Variants in TACC1 observed in about 807,000 individuals in gnomAD.
TACC1 encodes transforming acidic coiled-coil-containing protein 1.
In TACC1, 48 loss-of-function variants were observed where a neutral mutation model predicts 84.4. That is an observed-to-expected ratio of 0.57 (90% CI 0.45 to 0.72). TACC1 has a LOEUF of 0.72. TACC1 is among the 30% of genes least tolerant of loss of function. The probability of loss-of-function intolerance (pLI) is 0.00; values close to 1 mark genes in which losing one functional copy is unlikely to be tolerated. For missense variants in TACC1, 920 were observed against 973.0 expected, an observed-to-expected ratio of 0.95 and a Z score of 0.72; for synonymous variants, 372 against 376.3, an observed-to-expected ratio of 0.99 and a Z score of 0.13.
chr8:38,762,758 T>C (rs1442292284), intron 3 of TACC1, among the ~76,000 whole-genome samples: 1 of 152,148 alleles, frequency 6.6e-6, no homozygotes, highest in South Asian at 2.1e-4. Flanking sequence ...AGTTTTGCCA[T>C]GTTGGCCAGG....
intron 1 of TACC1, among the ~76,000 whole-genome samples, chr8:38,732,311 GT>G (rs202020942): frequency 1.4e-3 from 207 of 147,480 alleles, no homozygotes; most frequent in Non-Finnish European, 1.5e-3. Flanking sequence ...TTTTTTTCTT[GT>G]TTTTTTTTTC....
Position 38,819,711 on chromosome 8 carries a change from C to T in TACC1, c.467C>T (p.Thr156Met), listed in dbSNP as rs142390554. Residue 156 changes from threonine (T) to methionine (M), a missense_variant, in exon 3 of 13, where the codon ACG becomes ATG. This residue lies in a region of TACC1 where 762 missense variants were observed against 747.3 expected (regional missense o/e 1.02). Coordinates refer to ENST00000317827, the MANE Select transcript of TACC1 (RefSeq NM_006283.3). ...ATCGTGAGGCCATTTTCAATAGAAA[C>T]GAAGGATTCCACGGATATCTCGGCA... is the stretch of plus-strand genomic sequence containing the variant. The part of the protein sequence containing the change: ...ISIVRPFSIE[T>M]KDSTDISAVL... The T allele has an allele frequency of 9.9e-6, 16 of 1,613,986 alleles. No individual in the cohort carries two copies. Among genetic ancestry groups the T allele is most frequent in the African/African-American group, 6.7e-5 (5 of 74,914 alleles).
chr8:38,761,543 G>A (rs1351094388), intron 3 of TACC1, among the ~76,000 whole-genome samples: 1 of 152,246 alleles, frequency 6.6e-6, no homozygotes, highest in Non-Finnish European at 1.5e-5. Flanking sequence ...CTTTTAATGA[G>A]CACATCACTG....
upstream of TACC1, among the ~76,000 whole-genome samples, chr8:38,786,566 G>T (rs1817182134): frequency 6.6e-6 from 1 of 152,108 alleles, no homozygotes; most frequent in African/African-American, 2.4e-5. Context: ...TGGAGAATGG[G>T]AAACCCATCA....
At chr8:38,729,794 G>A (rs763490496) in intron 1 of TACC1, among the ~76,000 whole-genome samples, 22 of 152,190 alleles carry the variant, frequency 1.4e-4, no homozygotes, top group South Asian at 2.1e-4. Flanking sequence ...ACTTGAACCC[G>A]GGAGGTGGAG....
chr8:38,836,220 G>A lies in TACC1; in HGVS notation c.1772G>A (p.Ser591Asn). Reference sequence around the variant, plus strand: ...GTGTCGGTGTCCTGTGGAGGTGAGAGCCCCCTGGATGGGATCTGCCTCAGC... The same window carrying A: ...GTGTCGGTGTCCTGTGGAGGTGAGAACCCCCTGGATGGGATCTGCCTCAGC... ...APVSVSCGGE[S>N]PLDGICLSES... The change falls in exon 7 of 13, where the codon AGC becomes AAC. Residue 591 changes from serine (S) to asparagine (N), a missense_variant. Physicochemically the swap from Ser to Asn is conservative, Grantham distance 46. Around this residue, in one of 2 missense-constraint regions of TACC1, gnomAD observed 762 missense variants for 747.3 expected, o/e 1.02. Transcript: ENST00000317827. 1 of 1,613,252 alleles carries A rather than the reference G, an allele frequency of 6.2e-7. No homozygotes were observed. Among genetic ancestry groups the A allele is most frequent in the African/African-American group, 1.3e-5 (1 of 75,030 alleles).
At chr8:38,840,361 T>C in intron 9 of TACC1, 94 bp downstream of exon 9, 2 of 1,155,462 alleles carry the variant, frequency 1.7e-6, no homozygotes, top group Non-Finnish European at 2.5e-6. Context: ...GCTAGGTAGC[T>C]TATAAACAAC....
intron 2 of TACC1, among the ~76,000 whole-genome samples, chr8:38,812,397 G>A (rs923832818): frequency 2.6e-4 from 39 of 152,190 alleles, no homozygotes; most frequent in African/African-American, 8.7e-4. Flanking sequence ...CACCCCCGGC[G>A]GCGGCCCAGC....
In TACC1 at chr8:38,792,622, C is replaced by T. The variant is rs189797184; in HGVS notation, c.277+3803C>T. On this transcript the variant is annotated intron_variant, in intron 2 of 12. Coordinates refer to ENST00000317827, the MANE Select transcript of TACC1 (RefSeq NM_006283.3). Reference sequence around the variant, plus strand: ...CTAGGACCACAGGCGCCCACCACTACGCCCAGCTAATTTTTTGTATTTTTA... The same window carrying T: ...CTAGGACCACAGGCGCCCACCACTATGCCCAGCTAATTTTTTGTATTTTTA... Among the ~76,000 whole-genome samples, 58 of 152,286 alleles carry T rather than the reference C, an allele frequency of 3.8e-4. No homozygotes were observed. The East Asian group carries it at 9.3e-3, about 24-fold the overall frequency.
chr8:38,842,236 G>T (rs1225580149), intron 9 of TACC1, 51 bp from the exon 10 acceptor site: 17 of 1,581,602 alleles, frequency 1.1e-5, no homozygotes, highest in Non-Finnish European at 1.5e-5. Context: ...CTTCTAAGGA[G>T]TGTCTATTTT....
intron 1 of TACC1, among the ~76,000 whole-genome samples, chr8:38,729,072 A>G (rs1050084432): frequency 7.7e-6 from 1 of 130,010 alleles, no homozygotes; most frequent in African/African-American, 2.7e-5. Flanking sequence ...AAATACCTTC[A>G]TCTGGGAATA....
chr8:38,747,196 A>T (rs1401610199), intron 3 of TACC1, among the ~76,000 whole-genome samples: 2 of 152,268 alleles, frequency 1.3e-5, no homozygotes, highest in Non-Finnish European at 2.9e-5. Flanking sequence ...CAAAATGCTA[A>T]CAACACCAAA....
At chr8:38,766,042 A>G (rs1289175039) in intron 3 of TACC1, among the ~76,000 whole-genome samples, 1 of 152,194 alleles carries the variant, frequency 6.6e-6, no homozygotes, top group Non-Finnish European at 1.5e-5. Flanking sequence ...TATTTTTTGT[A>G]ATAATAGGAC....
In TACC1 at chr8:38,852,058, G is replaced by A; in HGVS notation, c.*4035G>A. 1 of 428,416 alleles carries A rather than the reference G, an allele frequency of 2.3e-6. No homozygotes were observed. The highest frequency in any genetic ancestry group is 4.7e-6 in the Non-Finnish European group (1 of 210,904). 26.5% of individuals were successfully genotyped at this position (428,416 alleles called of 1,614,324 possible). A position where few individuals can be genotyped will look rare whatever the true frequency, so the allele number is the denominator to read the frequency against. ...TCCTCTCAAAGGATCTCCTCTGGAA[G>A]AGACTATCAGCGGCAGCATTCTCCA... On this transcript the variant is annotated 3_prime_UTR_variant, in exon 13 of 13. Transcript: ENST00000317827.
intron 3 of TACC1, among the ~76,000 whole-genome samples, chr8:38,768,084 G>A (rs912510664): frequency 6.0e-5 from 8 of 134,350 alleles, no homozygotes; most frequent in Admixed American, 1.4e-4. Flanking sequence ...AGGAAGGAAG[G>A]AAGGAAGGAA....
At chr8:38,835,185 C>T (rs1247042344) in intron 6 of TACC1, among the ~76,000 whole-genome samples, 4 of 150,166 alleles carry the variant, frequency 2.7e-5, no homozygotes, top group East Asian at 3.9e-4. Context: ...ACCCGGGAGG[C>T]GGAGCTTGCA....
In TACC1 at chr8:38,820,133, ACT is replaced by A. The variant is rs1563772465; in HGVS notation, c.893_894del (p.Leu298GlnfsTer2). The A allele has an allele frequency of 6.2e-7, 1 of 1,613,994 alleles. No individual in the cohort carries two copies. Among genetic ancestry groups the A allele is most frequent in the Non-Finnish European group, 8.5e-7 (1 of 1,179,996 alleles). On this transcript the variant is annotated frameshift_variant, in exon 3 of 13. Coordinates refer to ENST00000317827, the MANE Select transcript of TACC1 (RefSeq NM_006283.3). LOFTEE classifies it high-confidence loss of function. The part of the protein sequence containing the change: ...SPPDLKETPG[T>X]LSSDTNDSGV... ...CCCTGACCTTAAAGAAACTCCCGGC[ACT>A]CTCAGTAGTGACACCAACGACTCAG...
chr8:38,803,348 C>T (rs1260680826), intron 2 of TACC1, among the ~76,000 whole-genome samples: 1 of 152,174 alleles, frequency 6.6e-6, no homozygotes, highest in African/African-American at 2.4e-5. Context: ...CGTTCTTGAC[C>T]TTAGGGTGAA....
chr8:38,751,322 G>A (rs1563260213), intron 3 of TACC1, among the ~76,000 whole-genome samples: 1 of 152,202 alleles, frequency 6.6e-6, no homozygotes, highest in Non-Finnish European at 1.5e-5. Context: ...GCAGTGTAAG[G>A]ATTAAGGCAG....
Sources: gnomAD v4.1 joint callset for allele counts (sites outside exome capture counted in the v4.1 genomes callset) on GRCh38, gnomAD v4.1.1 for gene constraint, gnomAD v4.1.1 regional missense constraint, MANE v1.5 for transcripts, NCBI Gene and HGNC (gene_info 2026-07-23, HGNC 2026-07-21) for gene names.